The following MEIKIN variants were observed in gnomAD, a reference collection of about 807,000 sequenced individuals.
MEIKIN encodes the protein meiosis-specific kinetochore protein.
chr5:131,898,047 C>A (rs1473409086), intron 8 of MEIKIN, among the ~76,000 whole-genome samples: 1 of 152,144 alleles, frequency 6.6e-6, no homozygotes, highest in Admixed American at 6.5e-5. Context: ...GTTTTATCTA[C>A]CTTTGGTCTT....
chr5:131,895,878 T>C (rs990262270), intron 8 of MEIKIN, among the ~76,000 whole-genome samples: 2 of 152,234 alleles, frequency 1.3e-5, no homozygotes. Flanking sequence ...TTTGTGTCTC[T>C]ATCTCCTTCA....
At chr5:131,896,949 C>T (rs190910027) in intron 8 of MEIKIN, among the ~76,000 whole-genome samples, 116 of 152,198 alleles carry the variant, frequency 7.6e-4, no homozygotes, top group Middle Eastern at 3.4e-3. Context: ...TTATTTTGCC[C>T]GTTAATTGAT....
Position 131,887,452 on chromosome 5 carries a change from C to T in MEIKIN, c.704-8404G>A, listed in dbSNP as rs562194130. Among the ~76,000 whole-genome samples, 8 of 152,252 alleles carry T rather than the reference C, an allele frequency of 5.3e-5. No individual in the cohort carries two copies. In the South Asian group the frequency reaches 1.7e-3, roughly 32 times the overall value. The stretch of plus-strand genomic sequence containing the variant: ...CAATGGTTGAACTAATTTACACTCC[C>T]ACCAACAGTGTAAAAGCATATTTCT... On this transcript the variant is annotated intron_variant, in intron 8 of 12. Transcript: ENST00000442687.
At chr5:131,839,675 G>A (rs1283961129) in intron 11 of MEIKIN, among the ~76,000 whole-genome samples, 1 of 152,064 alleles carries the variant, frequency 6.6e-6, no homozygotes, top group Non-Finnish European at 1.5e-5. Flanking sequence ...TGCAACCCAC[G>A]CTTTTTTCTG....
intron 3 of MEIKIN, chr5:131,944,374 G>A (rs1751925025): frequency 8.3e-6 from 2 of 240,580 alleles, no homozygotes; most frequent in African/African-American, 2.2e-5. Flanking sequence ...CATGAAAAAA[G>A]GAGTTATTAA....
chr5:131,874,210 G>A (rs1231218766), intron 9 of MEIKIN, among the ~76,000 whole-genome samples: 1 of 152,124 alleles, frequency 6.6e-6, no homozygotes, highest in Non-Finnish European at 1.5e-5. Context: ...TCCAGGAGCT[G>A]GTTTTTTGAA....
At chr5:131,919,456 C>CA (rs1287526775) in intron 6 of MEIKIN, among the ~76,000 whole-genome samples, 4 of 152,070 alleles carry the variant, frequency 2.6e-5, no homozygotes, top group Non-Finnish European at 5.9e-5. Context: ...TTGATGGTGG[C>CA]AAAATACTGG....
At chr5:131,826,086 C>CTTT (rs35951729) in intron 11 of MEIKIN, among the ~76,000 whole-genome samples, 1 of 124,984 alleles carries the variant, frequency 8.0e-6, no homozygotes, top group Non-Finnish European at 1.7e-5. Context: ...TTCTTGTTTT[C>CTTT]TTTTTTTTTT....
At chr5:131,887,039 T>C (rs946920756) in intron 8 of MEIKIN, among the ~76,000 whole-genome samples, 16 of 147,344 alleles carry the variant, frequency 1.1e-4, no homozygotes, top group African/African-American at 2.5e-4. Flanking sequence ...TGTCCAAGTG[T>C]TCTCATTGTT....
chr5:131,916,011 C>T (rs897182497), intron 7 of MEIKIN, among the ~76,000 whole-genome samples: 1 of 152,034 alleles, frequency 6.6e-6, no homozygotes, highest in African/African-American at 2.4e-5. Flanking sequence ...AATAAAACCC[C>T]GTCTCCATTA....
At chr5:131,893,140 C>T (rs1750963332) in intron 8 of MEIKIN, among the ~76,000 whole-genome samples, 1 of 151,734 alleles carries the variant, frequency 6.6e-6, no homozygotes, top group South Asian at 2.1e-4. Flanking sequence ...GCATTTAAGT[C>T]TGCAGAGGTT....
chr5:131,868,510 T>A (rs952014039), intron 9 of MEIKIN, among the ~76,000 whole-genome samples: 2 of 152,216 alleles, frequency 1.3e-5, no homozygotes, highest in African/African-American at 4.8e-5. Context: ...TTGGCCCATT[T>A]TTCACTGGGT....
chr5:131,852,260 G>A (rs779479518), intron 10 of MEIKIN, among the ~76,000 whole-genome samples: 9 of 151,986 alleles, frequency 5.9e-5, no homozygotes, highest in South Asian at 2.1e-4. Flanking sequence ...GAGTTTTCCC[G>A]AGATCTGATG....
chr5:131,901,783 AC>A (rs1194418769), intron 8 of MEIKIN, among the ~76,000 whole-genome samples: 8 of 152,028 alleles, frequency 5.3e-5, no homozygotes, highest in Non-Finnish European at 1.2e-4. Flanking sequence ...GACTGAACCC[AC>A]CTTATACAAC....
chr5:131,875,201 A>G (rs1197391629), intron 9 of MEIKIN, among the ~76,000 whole-genome samples: 2 of 152,198 alleles, frequency 1.3e-5, no homozygotes, highest in Admixed American at 1.3e-4. Context: ...AGGAAGTCAA[A>G]TTGTCCCTGT....
At chr5:131,919,894 C>T (rs986929612) in intron 6 of MEIKIN, among the ~76,000 whole-genome samples, 3 of 151,968 alleles carry the variant, frequency 2.0e-5, no homozygotes, top group Admixed American at 6.6e-5. Flanking sequence ...TTCATATTCC[C>T]GAATACATAA....
chr5:131,817,321 C>T (rs1773118338), intron 12 of MEIKIN, among the ~76,000 whole-genome samples: 1 of 152,068 alleles, frequency 6.6e-6, no homozygotes, highest in East Asian at 1.9e-4. Context: ...ATTAAAAATC[C>T]CCCTCACTGG....
In MEIKIN at chr5:131,807,100, A is replaced by T. The variant is rs1188225085; in HGVS notation, c.*136T>A. On this transcript the variant is annotated 3_prime_UTR_variant, in exon 13 of 13. Transcript: ENST00000442687. ...ACAAGAACCTCAGTAGAATTTCAAC[A>T]TAGAGATATATCACAAATAACTGGA... 7.6e-6 allele frequency: 3 copies of T among 394,982 alleles called. No individual in the cohort carries two copies. Among genetic ancestry groups the T allele is most frequent in the Non-Finnish European group, 1.3e-5 (3 of 224,336 alleles). 24.5% of individuals were successfully genotyped at this position (394,982 alleles called of 1,614,324 possible). A position where few individuals can be genotyped will look rare whatever the true frequency, so the allele number is the denominator to read the frequency against.
intron 8 of MEIKIN, among the ~76,000 whole-genome samples, chr5:131,885,338 TGAA>T (rs1455358241): frequency 1.1e-5 from 1 of 95,218 alleles, no homozygotes; most frequent in Non-Finnish European, 1.9e-5. Context: ...CACTCAGAAC[TGAA>T]AGAGAGAGAG....
Sources: allele counts gnomAD v4.1 joint callset (sites outside exome capture counted in the v4.1 genomes callset), GRCh38; gene constraint gnomAD v4.1.1; transcripts MANE v1.5; gene names NCBI Gene and HGNC (gene_info 2026-07-23, HGNC 2026-07-21).